The following SCGB2B2 variants were observed in gnomAD, a reference collection of about 807,000 sequenced individuals.
SCGB2B2 encodes secretoglobin family 2B member 2.
SCGB2B2 carries 11 observed loss-of-function variants against 7.6 expected under a neutral mutation model. The observed-to-expected ratio is 1.45, with a 90% confidence interval of 0.91 to 2.40. The LOEUF is 2.40. SCGB2B2 is among the 30% of genes most tolerant of loss of function. The probability of loss-of-function intolerance (pLI) is 0.00; values close to 1 mark genes in which losing one functional copy is unlikely to be tolerated. For synonymous variants in SCGB2B2, 50 were observed against 48.6 expected, an observed-to-expected ratio of 1.03 and a Z score of -0.12; for missense variants, 104 against 115.4, an observed-to-expected ratio of 0.90 and a Z score of 0.45.
intron 1 of SCGB2B2, among the ~76,000 whole-genome samples, chr19:34,601,436 G>T (rs2065620019): frequency 6.6e-6 from 1 of 152,198 alleles, no homozygotes; most frequent in Non-Finnish European, 1.5e-5. Context: ...CTGAAATTTT[G>T]ATAATATTGA....
chr19:34,656,964 AAGACAAGT>A (rs1568441733), intron 1 of SCGB2B2, among the ~76,000 whole-genome samples: 1 of 151,346 alleles, frequency 6.6e-6, no homozygotes, highest in Non-Finnish European at 1.5e-5. Context: ...GGAATAAAGC[AAGACAAGT>A]AAAATATATG....
At chr19:34,609,723 A>G (rs10406204) in intron 1 of SCGB2B2, among the ~76,000 whole-genome samples, 47,981 of 151,954 alleles carry the variant, frequency 0.32, 8,408 homozygotes, top group Middle Eastern at 0.47. Context: ...AAAAAACTAT[A>G]GCTTTATAGT....
At chr19:34,623,167 G>A (rs1270017903) in intron 1 of SCGB2B2, among the ~76,000 whole-genome samples, 2 of 152,124 alleles carry the variant, frequency 1.3e-5, no homozygotes, top group African/African-American at 4.8e-5. Context: ...GCTGCCTACA[G>A]GGCCAACTGT....
intron 1 of SCGB2B2, among the ~76,000 whole-genome samples, chr19:34,600,584 G>A (rs115853789): frequency 0.02 from 2,973 of 152,310 alleles, 44 homozygotes; most frequent in East Asian, 0.067. Flanking sequence ...TGGTAGGTAG[G>A]TGTCAGGGGC....
chr19:34,600,905 C>T (rs980674306), intron 1 of SCGB2B2, among the ~76,000 whole-genome samples: 5 of 122,574 alleles, frequency 4.1e-5, no homozygotes, highest in Non-Finnish European at 6.5e-5. Context: ...TGCTATATTT[C>T]TGCTCGGGGT....
chr19:34,629,782 G>A (rs954192592), intron 1 of SCGB2B2, among the ~76,000 whole-genome samples: 1 of 151,904 alleles, frequency 6.6e-6, no homozygotes, highest in African/African-American at 2.4e-5. Context: ...TCATGTGGAA[G>A]CAAAGAAAAG....
At chr19:34,602,519 G>A (rs148062232) in intron 1 of SCGB2B2, among the ~76,000 whole-genome samples, 22 of 152,202 alleles carry the variant, frequency 1.4e-4, no homozygotes, top group Non-Finnish European at 2.6e-4. Context: ...GGCCTTTTCT[G>A]GATTGCATCA....
At position 34,604,183 on chromosome 19, in the gene SCGB2B2, A is replaced by C. The variant is rs551773331; in HGVS notation, c.-2031-7589T>G. On this transcript the variant is annotated intron_variant, in intron 1 of 3. Transcript: ENST00000601241. ...ACATCACTCACTGCCCTCCCAGTTC[A>C]GGTGCAGTTCCCCATTTCCCCTCAC... is the stretch of plus-strand genomic sequence containing the variant. Among the ~76,000 whole-genome samples the C allele has an allele frequency of 1.3e-4, 20 of 152,272 alleles. No individual in the cohort carries two copies. In the South Asian group the frequency reaches 4.2e-3, roughly 32 times the overall value.
At chr19:34,614,142 C>A (rs1027303263) in intron 1 of SCGB2B2, among the ~76,000 whole-genome samples, 4 of 152,254 alleles carry the variant, frequency 2.6e-5, no homozygotes, top group Admixed American at 2.6e-4. Flanking sequence ...ATCTAGATGT[C>A]CATTCTCTCT....
intron 1 of SCGB2B2, among the ~76,000 whole-genome samples, chr19:34,641,054 G>A (rs1484560208): frequency 6.2e-5 from 9 of 144,614 alleles, no homozygotes; most frequent in African/African-American, 2.4e-4. Flanking sequence ...GGGGTGTGAT[G>A]GTGAATACTT....
intron 1 of SCGB2B2, among the ~76,000 whole-genome samples, chr19:34,665,767 C>G (rs556773694): frequency 5.9e-5 from 9 of 152,024 alleles, no homozygotes; most frequent in Non-Finnish European, 1.5e-5. Context: ...CCTCCCAGGA[C>G]AAAGCAGGTC....
intron 1 of SCGB2B2, among the ~76,000 whole-genome samples, chr19:34,611,366 T>C (rs1339435273): frequency 6.6e-6 from 1 of 152,140 alleles, no homozygotes; most frequent in Non-Finnish European, 1.5e-5. Flanking sequence ...ATTTTGGGTT[T>C]GATTTGTATT....
At chr19:34,667,885 T>C (rs1460238574) in intron 1 of SCGB2B2, among the ~76,000 whole-genome samples, 1 of 151,994 alleles carries the variant, frequency 6.6e-6, no homozygotes, top group Non-Finnish European at 1.5e-5. Flanking sequence ...GCTCGGTGAG[T>C]GGCCAGGCCA....
intron 1 of SCGB2B2, among the ~76,000 whole-genome samples, chr19:34,650,226 T>A (rs2067128722): frequency 6.6e-6 from 1 of 151,218 alleles, no homozygotes; most frequent in African/African-American, 2.5e-5. Context: ...TCACCAGGCC[T>A]GACATTTACC....
rs754195744 is a variant in SCGB2B2, at chr19:34,629,248, T to C, written c.-2031-32654A>G. Among the ~76,000 whole-genome samples the C allele has an allele frequency of 7.7e-4, 117 of 151,888 alleles. 3 individuals carry two copies. The highest frequency in any genetic ancestry group is 1.5e-3 in the Non-Finnish European group (105 of 67,904). On this transcript the variant is annotated intron_variant, in intron 1 of 3. Coordinates refer to ENST00000601241, the MANE Select transcript of SCGB2B2 (RefSeq NM_001025591.4). ...CCTCTCTCACCACCCCTATTCAACA[T>C]AGTGTTGGAAGTTCTGGCCAGGGCA...
intron 1 of SCGB2B2, among the ~76,000 whole-genome samples, chr19:34,671,252 A>C (rs2067794867): frequency 6.6e-6 from 1 of 152,212 alleles, no homozygotes; most frequent in Non-Finnish European, 1.5e-5. Context: ...TGTTCCAACA[A>C]CACTTGTTGA....
At chr19:34,666,357 C>T (rs2067621458) in intron 1 of SCGB2B2, among the ~76,000 whole-genome samples, 1 of 152,136 alleles carries the variant, frequency 6.6e-6, no homozygotes, top group Non-Finnish European at 1.5e-5. Flanking sequence ...ACACTCCCGA[C>T]AGCGCATTCT....
chr19:34,676,661 G>A lies in SCGB2B2; in HGVS notation c.-3063C>T, dbSNP rs2067961549. 1 of 152,112 alleles carries A rather than the reference G, an allele frequency of 6.6e-6. No homozygotes were observed. The highest frequency in any genetic ancestry group is 6.6e-5 in the Admixed American group (1 of 15,264). The allele number at this position is 152,112 out of a possible 1,614,324, so 9.4% of individuals were successfully genotyped here. Reference sequence around the variant, plus strand: ...GCTCTAAGAACTCTCTCTTGGGGTCGGATCCGGACCCCTTTCTGGTAACAG... The same window carrying A: ...GCTCTAAGAACTCTCTCTTGGGGTCAGATCCGGACCCCTTTCTGGTAACAG... On this transcript the variant is annotated 5_prime_UTR_variant, in exon 1 of 4. The change creates a premature stop within an existing upstream ORF in the 5' untranslated region. Coordinates refer to ENST00000601241, the MANE Select transcript of SCGB2B2 (RefSeq NM_001025591.4).
intron 1 of SCGB2B2, among the ~76,000 whole-genome samples, chr19:34,672,046 C>T (rs1035023481): frequency 6.6e-6 from 1 of 152,010 alleles, no homozygotes; most frequent in Non-Finnish European, 1.5e-5. Context: ...GAGGCTGAAG[C>T]GAGTGAACTG....
Sources: allele counts gnomAD v4.1 joint callset (sites outside exome capture counted in the v4.1 genomes callset), GRCh38; gene constraint gnomAD v4.1.1; transcripts MANE v1.5; gene names NCBI Gene and HGNC (gene_info 2026-07-23, HGNC 2026-07-21).